Variants in PTPRG observed in about 807,000 individuals in gnomAD.
The protein encoded by PTPRG is receptor-type tyrosine-protein phosphatase gamma.
PTPRG carries 102 observed loss-of-function variants against 165.3 expected under a neutral mutation model. The observed-to-expected ratio is 0.62, with a 90% CI of 0.53 to 0.73. The LOEUF (loss-of-function observed/expected upper bound fraction) is 0.73. Ranked by LOEUF, PTPRG falls within the 30% of genes least tolerant of loss-of-function variation. The pLI is 0.00. For missense variants in PTPRG, 1,866 were observed against 1,861.4 expected, an observed-to-expected ratio of 1.00 and a Z score of -0.05; for synonymous variants, 675 against 669.5, an observed-to-expected ratio of 1.01 and a Z score of -0.13.
At chr3:61,737,714 C>A (rs1277523232) in intron 1 of PTPRG, among the ~76,000 whole-genome samples, 1 of 151,800 alleles carries the variant, frequency 6.6e-6, no homozygotes, top group Non-Finnish European at 1.5e-5. Flanking sequence ...GTTGGAGTGT[C>A]CCCTGTATTT....
intron 1 of PTPRG, among the ~76,000 whole-genome samples, chr3:61,692,027 T>G (rs2030248903): frequency 6.6e-6 from 1 of 152,250 alleles, no homozygotes; most frequent in Non-Finnish European, 1.5e-5. Context: ...TGATACATTT[T>G]TTACTTTTAT....
At chr3:62,018,504 T>C (rs1457253977) in intron 4 of PTPRG, among the ~76,000 whole-genome samples, 11 of 152,226 alleles carry the variant, frequency 7.2e-5, no homozygotes, top group Non-Finnish European at 1.5e-5. Flanking sequence ...TCTTTCCAGT[T>C]GGCCAATCCT....
chr3:62,124,455 T>C, intron 5 of PTPRG: 1 of 1,613,772 alleles, frequency 6.2e-7, no homozygotes, highest in South Asian at 1.1e-5. Context: ...TGGGGGATGC[T>C]GGGCACCAGC....
At position 61,844,056 on chromosome 3, in the gene PTPRG, C is replaced by T. The variant is rs150845785; in HGVS notation, c.190+95074C>T. Among the ~76,000 whole-genome samples, 105 of 151,586 alleles carry T rather than the reference C, an allele frequency of 6.9e-4. 2 individuals carry two copies. In the East Asian group the frequency reaches 0.015, roughly 22 times the overall value. On this transcript the variant is annotated intron_variant, in intron 2 of 29. Coordinates refer to ENST00000474889, the MANE Select transcript of PTPRG (RefSeq NM_002841.4). ...TCGTCTCACTGCAAATTCCGCCTCC[C>T]GGTTTCAAGCGATTCTCCTGCCTCA...
intron 2 of PTPRG, among the ~76,000 whole-genome samples, chr3:61,861,189 C>T (rs918555798): frequency 5.9e-4 from 90 of 152,130 alleles, no homozygotes; most frequent in African/African-American, 2.1e-3. Context: ...TTAAGAAGAT[C>T]GTTTAGGAAG....
intron 1 of PTPRG, among the ~76,000 whole-genome samples, chr3:61,634,338 A>G (rs893291510): frequency 1.3e-5 from 2 of 151,938 alleles, no homozygotes; most frequent in African/African-American, 2.4e-5. Flanking sequence ...CCCAGGTTCA[A>G]GCGATTCTTC....
At chr3:61,952,821 C>T (rs1559710104) in intron 2 of PTPRG, among the ~76,000 whole-genome samples, 1 of 152,134 alleles carries the variant, frequency 6.6e-6, no homozygotes, top group African/African-American at 2.4e-5. Context: ...TCCATATTTT[C>T]TCCCCTACTC....
At chr3:62,241,600 T>A (rs1266463289) in intron 14 of PTPRG, among the ~76,000 whole-genome samples, 1 of 152,096 alleles carries the variant, frequency 6.6e-6, no homozygotes, top group South Asian at 2.1e-4. Context: ...GTTCCACATA[T>A]AACTGAGACT....
chr3:61,757,316 C>T (rs1023944957), intron 2 of PTPRG, among the ~76,000 whole-genome samples: 1 of 151,854 alleles, frequency 6.6e-6, no homozygotes, highest in Admixed American at 6.6e-5. Flanking sequence ...ATTTCAATTT[C>T]TTCTACCAGT....
intron 2 of PTPRG, among the ~76,000 whole-genome samples, chr3:61,852,038 A>G (rs1189077256): frequency 1.3e-5 from 2 of 152,134 alleles, no homozygotes; most frequent in South Asian, 2.1e-4. Flanking sequence ...AACTAATACA[A>G]TGTTGATACA....
intron 4 of PTPRG, among the ~76,000 whole-genome samples, chr3:62,037,642 T>C (rs765310621): frequency 3.3e-5 from 5 of 152,200 alleles, no homozygotes; most frequent in Non-Finnish European, 5.9e-5. Context: ...AGGAACTGTT[T>C]GGCTGTGGCT....
At position 61,561,707 on chromosome 3, in the gene PTPRG, G is replaced by C. The variant is rs1699755032; in HGVS notation, c.-581G>C. 1 of 152,676 alleles carries C rather than the reference G, an allele frequency of 6.5e-6. No individual in the cohort carries two copies. The highest frequency in any genetic ancestry group is 6.5e-5 in the Admixed American group (1 of 15,292). The allele number at this position is 152,676 out of a possible 1,614,324, so 9.5% of individuals were successfully genotyped here. On this transcript the variant is annotated 5_prime_UTR_variant, in exon 1 of 30. Transcript: ENST00000474889. The stretch of plus-strand genomic sequence containing the variant: ...CCCCAGCGCCCCTCTGAGATCCTTT[G>C]TGTTTTCCTCCGTTTCCTCCGGCCG...
intron 1 of PTPRG, among the ~76,000 whole-genome samples, chr3:61,670,738 G>C (rs1023020123): frequency 2.0e-5 from 3 of 152,170 alleles, no homozygotes; most frequent in Non-Finnish European, 2.9e-5. Flanking sequence ...CTGGGCGCGA[G>C]TTTTCACAAC....
At chr3:61,706,573 C>T (rs944123794) in intron 1 of PTPRG, among the ~76,000 whole-genome samples, 1 of 151,706 alleles carries the variant, frequency 6.6e-6, no homozygotes, top group African/African-American at 2.4e-5. Context: ...GGCTCACTGC[C>T]ACCTCCGCCT....
chr3:61,872,207 C>G (rs1440160336), intron 2 of PTPRG, among the ~76,000 whole-genome samples: 1 of 152,152 alleles, frequency 6.6e-6, no homozygotes, highest in Non-Finnish European at 1.5e-5. Flanking sequence ...GTTTGAAAGA[C>G]AATAAGAATG....
chr3:61,855,100 C>T (rs150755247), intron 2 of PTPRG, among the ~76,000 whole-genome samples: 6 of 152,174 alleles, frequency 3.9e-5, no homozygotes, highest in African/African-American at 1.4e-4. Flanking sequence ...TGACAACAAG[C>T]CTTTCCCTTG....
intron 2 of PTPRG, among the ~76,000 whole-genome samples, chr3:61,799,144 T>A (rs933646358): frequency 2.0e-5 from 3 of 152,296 alleles, no homozygotes; most frequent in African/African-American, 7.2e-5. Flanking sequence ...TAAACTGTCT[T>A]TCCAATAGTA....
At chr3:61,775,958 A>C (rs1394659843) in intron 2 of PTPRG, among the ~76,000 whole-genome samples, 2 of 152,022 alleles carry the variant, frequency 1.3e-5, no homozygotes, top group East Asian at 3.9e-4. Flanking sequence ...GGATAGCATT[A>C]GGAGATATAA....
At chr3:61,673,100 G>A (rs1029266904) in intron 1 of PTPRG, among the ~76,000 whole-genome samples, 3 of 152,174 alleles carry the variant, frequency 2.0e-5, no homozygotes, top group Non-Finnish European at 4.4e-5. Flanking sequence ...AGTCGAGGCT[G>A]TAGTAAGTGG....
Sources: gnomAD v4.1 joint callset for allele counts (sites outside exome capture counted in the v4.1 genomes callset) on GRCh38, gnomAD v4.1.1 for gene constraint, MANE v1.5 for transcripts, NCBI Gene and HGNC (gene_info 2026-07-23, HGNC 2026-07-21) for gene names.